The following CDH20 variants were observed in gnomAD, a reference collection of about 807,000 sequenced individuals.
The protein encoded by CDH20 is cadherin 20, also known as cadherin-20.
CDH20 carries 29 observed loss-of-function variants against 74.2 expected under a neutral mutation model. The ratio of observed to expected loss-of-function variants is 0.39; its 90% confidence interval spans 0.29 to 0.53. CDH20 has a LOEUF of 0.53. CDH20 is among the 20% of genes least tolerant of loss of function. CDH20 has a pLI of 0.69. For missense variants in CDH20, 988 were observed against 1,048.3 expected (o/e 0.94, Z 0.79); for synonymous variants, 469 against 405.4 (o/e 1.16, Z -1.88).
At chr18:61,400,465 G>A (rs964610493) in intron 1 of CDH20, among the ~76,000 whole-genome samples, 4 of 152,210 alleles carry the variant, frequency 2.6e-5, no homozygotes, top group Non-Finnish European at 4.4e-5. Flanking sequence ...CTGGTAATAT[G>A]TCACATAACT....
At chr18:61,365,551 AG>A (rs1910829355) in intron 1 of CDH20, among the ~76,000 whole-genome samples, 1 of 152,214 alleles carries the variant, frequency 6.6e-6, no homozygotes, top group African/African-American at 2.4e-5. Flanking sequence ...TTTTAATCAA[AG>A]GTTTTTTAAA....
At chr18:61,337,209 C>G (rs1384045292) in intron 1 of CDH20, among the ~76,000 whole-genome samples, 1 of 152,142 alleles carries the variant, frequency 6.6e-6, no homozygotes, top group East Asian at 1.9e-4. Context: ...CCCCTTTCCC[C>G]CAAAGGCATA....
At chr18:61,485,574 T>C (rs1910730488) in intron 1 of CDH20, among the ~76,000 whole-genome samples, 2 of 152,132 alleles carry the variant, frequency 1.3e-5, no homozygotes, top group East Asian at 3.9e-4. Flanking sequence ...ATAGAACCTC[T>C]GTAGTAAATG....
intron 11 of CDH20, 110 bp downstream of exon 11, chr18:61,550,339 T>G: frequency 7.5e-7 from 1 of 1,338,752 alleles, no homozygotes; most frequent in South Asian, 1.4e-5. Flanking sequence ...CACACCTTGC[T>G]TACTCAAAAG....
intron 1 of CDH20, among the ~76,000 whole-genome samples, chr18:61,466,957 C>A (rs1909982606): frequency 6.6e-6 from 1 of 152,164 alleles, no homozygotes; most frequent in African/African-American, 2.4e-5. Flanking sequence ...ATACTCCCAG[C>A]AAACAATGTG....
At chr18:61,486,104 T>C (rs1910754790) in intron 1 of CDH20, among the ~76,000 whole-genome samples, 1 of 152,086 alleles carries the variant, frequency 6.6e-6, no homozygotes, top group African/African-American at 2.4e-5. Context: ...AACAAACCCA[T>C]TTTACTTAGG....
At chr18:61,343,353 T>C (rs948179020) in intron 1 of CDH20, among the ~76,000 whole-genome samples, 5 of 152,142 alleles carry the variant, frequency 3.3e-5, no homozygotes, top group African/African-American at 1.2e-4. Flanking sequence ...GATGAAGAAA[T>C]GGGGTCAAAA....
intron 1 of CDH20, among the ~76,000 whole-genome samples, chr18:61,447,318 A>T (rs981443759): frequency 6.6e-6 from 1 of 152,222 alleles, no homozygotes; most frequent in Non-Finnish European, 1.5e-5. Flanking sequence ...CTGAATTCAC[A>T]ATACTGGAGG....
intron 1 of CDH20, among the ~76,000 whole-genome samples, chr18:61,446,838 G>A (rs1341403161): frequency 1.3e-5 from 2 of 152,188 alleles, no homozygotes; most frequent in African/African-American, 4.8e-5. Context: ...CTGTCGGGAA[G>A]GCTCATCCTA....
chr18:61,509,636 A>G (rs1911708991), intron 6 of CDH20, among the ~76,000 whole-genome samples: 1 of 152,210 alleles, frequency 6.6e-6, no homozygotes, highest in Non-Finnish European at 1.5e-5. Context: ...TAAAGTGGGA[A>G]ATGACTGAAG....
At chr18:61,406,763 C>G (rs1239177174) in intron 1 of CDH20, among the ~76,000 whole-genome samples, 2 of 152,178 alleles carry the variant, frequency 1.3e-5, no homozygotes, top group African/African-American at 4.8e-5. Flanking sequence ...GAGGATTATA[C>G]AGCAAGCAAC....
At chr18:61,431,070 G>T (rs753210645) in intron 1 of CDH20, among the ~76,000 whole-genome samples, 52 of 152,148 alleles carry the variant, frequency 3.4e-4, no homozygotes, top group Admixed American at 3.3e-4. Flanking sequence ...CTATCCATCT[G>T]TATCTGTGTT....
intron 1 of CDH20, among the ~76,000 whole-genome samples, chr18:61,346,466 A>G (rs1195327142): frequency 1.3e-5 from 2 of 152,246 alleles, no homozygotes; most frequent in Admixed American, 1.3e-4. Flanking sequence ...TGAACAATAA[A>G]CAATTTATGG....
chr18:61,406,338 C>T (rs1307949233), intron 1 of CDH20, among the ~76,000 whole-genome samples: 3 of 152,096 alleles, frequency 2.0e-5, no homozygotes, highest in African/African-American at 7.2e-5. Context: ...ATTTAACTAC[C>T]CTAACCTGCT....
chr18:61,371,521 T>C (rs1016200298), intron 1 of CDH20, among the ~76,000 whole-genome samples: 1 of 152,198 alleles, frequency 6.6e-6, no homozygotes, highest in Admixed American at 6.5e-5. Context: ...ATATAAAATA[T>C]GCATTGTCTT....
At position 61,353,672 on chromosome 18, in the gene CDH20, C is replaced by A. The variant is rs1402427513; in HGVS notation, c.-153+19845C>A. ...CACCACCTATCAAATGCCCTTCGACCAACTCCAAACCCACTGAGATCACTC... is the reference window on the plus strand; with the variant it reads ...CACCACCTATCAAATGCCCTTCGACAAACTCCAAACCCACTGAGATCACTC... On this transcript the variant is annotated intron_variant, in intron 1 of 11. Transcript: ENST00000262717. The surrounding 1 kb of genome is among the most constrained non-coding windows in gnomAD (Gnocchi z 4.6). Among the ~76,000 whole-genome samples the A allele has an allele frequency of 6.6e-6, 1 of 152,184 alleles. No homozygotes were observed. Among genetic ancestry groups the A allele is most frequent in the Non-Finnish European group, 1.5e-5 (1 of 68,024 alleles).
At position 61,370,168 on chromosome 18, in the gene CDH20, T is replaced by A. The variant is rs1481172110; in HGVS notation, c.-153+36341T>A. On this transcript the variant is annotated intron_variant, in intron 1 of 11. Transcript: ENST00000262717. ...CGAAGAGAGTTAAAACTTCATGGGG[T>A]GCTTTTTCTGTTGTTTTGTCCATGT... Among the ~76,000 whole-genome samples the A allele has an allele frequency of 4.6e-5, 7 of 152,026 alleles. No individual in the cohort carries two copies. The South Asian group carries it at 6.2e-4, about 14-fold the overall frequency.
At chr18:61,519,630 A>T (rs1912119454) in intron 6 of CDH20, among the ~76,000 whole-genome samples, 1 of 151,384 alleles carries the variant, frequency 6.6e-6, no homozygotes, top group East Asian at 1.9e-4. Flanking sequence ...AGCACTAAAT[A>T]TAGAAAGGAA....
chr18:61,432,626 T>C (rs1360064953), intron 1 of CDH20, among the ~76,000 whole-genome samples: 3 of 152,202 alleles, frequency 2.0e-5, no homozygotes, highest in Non-Finnish European at 2.9e-5. Context: ...GGCATTTTCC[T>C]CTGCTCCTGT....
Sources: allele counts gnomAD v4.1 joint callset (sites outside exome capture counted in the v4.1 genomes callset), GRCh38; gene constraint gnomAD v4.1.1; non-coding constraint Gnocchi (gnomAD v3.1); transcripts MANE v1.5; gene names NCBI Gene and HGNC (gene_info 2026-07-23, HGNC 2026-07-21).